Variants in ANGEL2 observed in about 807,000 individuals in gnomAD.
The protein encoded by ANGEL2 is angel homolog 2.
ANGEL2 carries 41 observed loss-of-function variants against 66.0 expected under a neutral mutation model. That is an observed-to-expected ratio of 0.62 (90% CI 0.48 to 0.81). The LOEUF (loss-of-function observed/expected upper bound fraction) is 0.81. Among genes scored for constraint, ANGEL2 ranks in the 30% least tolerant of loss-of-function variants. The pLI is 0.00. For missense variants in ANGEL2, 561 were observed against 641.6 expected, an observed-to-expected ratio of 0.87 and a Z score of 1.36; for synonymous variants, 208 against 226.5, an observed-to-expected ratio of 0.92 and a Z score of 0.73.
chr1:213,012,603 T>C (rs1453987616), intron 2 of ANGEL2, among the ~76,000 whole-genome samples: 2 of 152,240 alleles, frequency 1.3e-5, no homozygotes, highest in Admixed American at 6.5e-5. Flanking sequence ...ACAGATGTAA[T>C]AAATGAAAAT....
intron 1 of ANGEL2, among the ~76,000 whole-genome samples, 159 bp from the exon 2 acceptor site, chr1:213,013,577 T>C (rs1271087259): frequency 6.6e-6 from 1 of 152,196 alleles, no homozygotes; most frequent in Non-Finnish European, 1.5e-5. Context: ...GATTTACCTA[T>C]TGGCATCAAT....
intron 5 of ANGEL2, among the ~76,000 whole-genome samples, chr1:213,004,015 C>A (rs1051967686): frequency 6.6e-6 from 1 of 151,948 alleles, no homozygotes; most frequent in Non-Finnish European, 1.5e-5. Context: ...ACCATCCTGG[C>A]TAACACTGTG....
intron 8 of ANGEL2, among the ~76,000 whole-genome samples, chr1:212,996,100 G>A (rs1379677390): frequency 6.6e-6 from 1 of 152,072 alleles, no homozygotes; most frequent in Non-Finnish European, 1.5e-5. Flanking sequence ...GAGGTCAGGA[G>A]ATCGAGACCA....
rs1462539935 is a variant in ANGEL2, at chr1:212,992,193, T to C, written c.*2848A>G. The C allele has an allele frequency of 6.6e-6, 1 of 152,196 alleles. No individual in the cohort carries two copies. The highest frequency in any genetic ancestry group is 1.5e-5 in the Non-Finnish European group (1 of 68,028). The allele number at this position is 152,196 out of a possible 1,614,324, so 9.4% of individuals were successfully genotyped here. On this transcript the variant is annotated 3_prime_UTR_variant, in exon 9 of 9. Transcript: ENST00000366962. ...TTCAGGCACAGAAGTACGAGTATAA[T>C]AGTTTATTACCTAACTTACAGGTAC...
intron 8 of ANGEL2, among the ~76,000 whole-genome samples, chr1:212,996,396 T>A (rs1213714416): frequency 6.6e-6 from 1 of 150,986 alleles, no homozygotes; most frequent in Non-Finnish European, 1.5e-5. Context: ...GAGGCCGAGG[T>A]GGACGGCTTG....
At chr1:212,996,481 G>C (rs1005208665) in intron 8 of ANGEL2, among the ~76,000 whole-genome samples, 3 of 151,004 alleles carry the variant, frequency 2.0e-5, no homozygotes, top group Non-Finnish European at 3.0e-5. Context: ...AATTAGGTGG[G>C]CATGGTGGCT....
chr1:213,002,439 A>C (rs1322361872), intron 5 of ANGEL2, among the ~76,000 whole-genome samples: 2 of 152,204 alleles, frequency 1.3e-5, no homozygotes, highest in African/African-American at 4.8e-5. Context: ...GATTTAGCAT[A>C]ATTTTTAAGT....
At chr1:213,011,301 T>G (rs2076502629) in intron 2 of ANGEL2, 2 of 1,277,194 alleles carry the variant, frequency 1.6e-6, no homozygotes, top group Non-Finnish European at 2.0e-6. Context: ...TTAGGGTGCC[T>G]AATTACAAAG....
At position 213,013,121 on chromosome 1, in the gene ANGEL2, C is replaced by T. The variant is rs1558193042; in HGVS notation, c.357G>A (p.Glu119=). 6.2e-7 allele frequency: 1 copy of T among 1,613,994 alleles called. No homozygotes were observed. Among genetic ancestry groups the T allele is most frequent in the Admixed American group, 1.7e-5 (1 of 60,002 alleles). ...GGTGTTTTCTTCGTTTTGATGAAGG[C>T]TCATCTCCCTCAGCGTTCATGACGT... is the stretch of plus-strand genomic sequence containing the variant. ...SSYVMNAEGD[E]PSSKRRKHQG... is the part of the protein sequence containing the mutation. The change falls in exon 2 of 9, where the codon GAG becomes GAA. Residue 119 remains glutamate, a synonymous_variant. Coordinates refer to ENST00000366962, the MANE Select transcript of ANGEL2 (RefSeq NM_144567.5).
At chr1:213,011,886 T>C (rs895942792) in intron 2 of ANGEL2, among the ~76,000 whole-genome samples, 2 of 152,226 alleles carry the variant, frequency 1.3e-5, no homozygotes, top group Admixed American at 1.3e-4. Flanking sequence ...CTGCCCTATA[T>C]TTATAGATCT....
chr1:213,006,795 CTTTGA>C, intron 4 of ANGEL2: 1 of 241,842 alleles, frequency 4.1e-6, no homozygotes, highest in Non-Finnish European at 7.9e-6. Context: ...ATCTTTTCCT[CTTTGA>C]AATTAAGTTT....
At chr1:213,007,275 T>A (rs1046091818) in intron 3 of ANGEL2, 77 bp from the exon 4 acceptor site, 8 of 1,151,822 alleles carry the variant, frequency 6.9e-6, no homozygotes, top group Non-Finnish European at 9.6e-6. Context: ...TCTTAAAATA[T>A]CTAAAAGCAG....
chr1:213,014,409 A>G (rs1180150490), intron 1 of ANGEL2, among the ~76,000 whole-genome samples: 1 of 152,214 alleles, frequency 6.6e-6, no homozygotes, highest in Non-Finnish European at 1.5e-5. Flanking sequence ...AATTTTTATT[A>G]TAATTTTTAC....
chr1:213,010,533 T>C (rs570045605), intron 2 of ANGEL2, among the ~76,000 whole-genome samples: 44 of 150,602 alleles, frequency 2.9e-4, no homozygotes, highest in African/African-American at 1.0e-3. Flanking sequence ...GATTGCGCCA[T>C]TGCACTCCAG....
intron 4 of ANGEL2, 111 bp downstream of exon 4, chr1:213,007,018 C>G: frequency 1.0e-6 from 1 of 977,708 alleles, no homozygotes; most frequent in Non-Finnish European, 1.5e-6. Context: ...TACTTGAGCC[C>G]AGTAGGTTGA....
chr1:212,996,484 T>C (rs2148130306), intron 8 of ANGEL2, among the ~76,000 whole-genome samples: 1 of 151,094 alleles, frequency 6.6e-6, no homozygotes, highest in African/African-American at 2.4e-5. Flanking sequence ...TAGGTGGGCA[T>C]GGTGGCTCAT....
chr1:213,014,440 G>A (rs953022909), intron 1 of ANGEL2, among the ~76,000 whole-genome samples: 1 of 152,110 alleles, frequency 6.6e-6, no homozygotes, highest in Non-Finnish European at 1.5e-5. Flanking sequence ...TTCGCTAGTT[G>A]TTCTCTAAAA....
chr1:213,007,322 A>G (rs2076361946), intron 3 of ANGEL2, 124 bp from the exon 4 acceptor site: 2 of 723,756 alleles, frequency 2.8e-6, no homozygotes, highest in Admixed American at 2.8e-5. Context: ...AATTGAAATA[A>G]AAGACTTACC....
chr1:213,008,381 T>A lies in ANGEL2; in HGVS notation c.471A>T (p.Lys157Asn), dbSNP rs775789367. Residue 157 changes from lysine (K) to asparagine (N), a missense_variant, in exon 3 of 9, where the codon AAA (lysine) becomes AAT (asparagine). Lys to Asn is a moderately conservative substitution (Grantham distance 94). Coordinates refer to ENST00000366962, the MANE Select transcript of ANGEL2 (RefSeq NM_144567.5). ...KILGDKNVDP[K>N]CEDSENKFDF... ...CAAACTTGTTCTCACTGTCTTCACA[T>A]TTGGGATCAACATTTTTGTCTCCTA... is the stretch of plus-strand genomic sequence containing the variant. 1 of 1,614,228 alleles carries A rather than the reference T, an allele frequency of 6.2e-7. No homozygotes were observed. Among genetic ancestry groups the A allele is most frequent in the Middle Eastern group, 1.6e-4 (1 of 6,062 alleles).
Sources: allele counts gnomAD v4.1 joint callset (sites outside exome capture counted in the v4.1 genomes callset), GRCh38; gene constraint gnomAD v4.1.1; transcripts MANE v1.5; gene names NCBI Gene and HGNC (gene_info 2026-07-23, HGNC 2026-07-21).